KCNN2: variants seen among roughly 807,000 people sequenced by gnomAD.
The protein encoded by KCNN2 is small conductance calcium-activated potassium channel protein 2.
KCNN2 carries 24 observed loss-of-function variants against 55.5 expected under a neutral mutation model. That is an observed-to-expected ratio of 0.43 (90% CI 0.31 to 0.61). The LOEUF is 0.61. Ranked by LOEUF, KCNN2 falls within the 20% of genes least tolerant of loss-of-function variation. The pLI, the probability that KCNN2 is intolerant of heterozygous loss-of-function variation, is 0.08. For missense variants in KCNN2, 754 were observed against 853.6 expected, an observed-to-expected ratio of 0.88 and a Z score of 1.45; for synonymous variants, 431 against 336.1, an observed-to-expected ratio of 1.28 and a Z score of -3.09.
chr5:114,215,583 T>G (rs1753985317), intron 1 of KCNN2, among the ~76,000 whole-genome samples: 2 of 152,096 alleles, frequency 1.3e-5, no homozygotes, highest in African/African-American at 4.8e-5. Flanking sequence ...GACATAAAAT[T>G]ATGCTACAAA....
intron 1 of KCNN2, among the ~76,000 whole-genome samples, chr5:114,217,976 A>AT (rs1470188507): frequency 6.6e-6 from 1 of 152,234 alleles, no homozygotes; most frequent in Non-Finnish European, 1.5e-5. Context: ...CAGATGGCAA[A>AT]TTAGCATTTA....
At chr5:114,377,501 A>G (rs1020658618) in intron 2 of KCNN2, among the ~76,000 whole-genome samples, 6 of 152,292 alleles carry the variant, frequency 3.9e-5, no homozygotes, top group Non-Finnish European at 8.8e-5. Context: ...CTGCTGCTTG[A>G]ATGAAGGTGA....
chr5:114,347,480 A>C (rs1757128030), intron 2 of KCNN2, among the ~76,000 whole-genome samples: 2 of 152,200 alleles, frequency 1.3e-5, no homozygotes, highest in South Asian at 2.1e-4. Context: ...ATCTTGGGAT[A>C]ATCAAAATAC....
intron 2 of KCNN2, among the ~76,000 whole-genome samples, chr5:114,310,596 C>A (rs1291979561): frequency 6.6e-6 from 1 of 151,900 alleles, no homozygotes; most frequent in Non-Finnish European, 1.5e-5. Flanking sequence ...TTTCAAATGA[C>A]CATTTTTAAA....
intron 1 of KCNN2, among the ~76,000 whole-genome samples, chr5:114,134,308 T>C (rs754225875): frequency 6.0e-5 from 9 of 151,222 alleles, no homozygotes; most frequent in Non-Finnish European, 1.2e-4. Context: ...TTAATATTTA[T>C]TGGGAAACTT....
intron 2 of KCNN2, among the ~76,000 whole-genome samples, chr5:114,272,725 G>A (rs1417367217): frequency 1.6e-4 from 24 of 151,974 alleles, no homozygotes; most frequent in Admixed American, 1.6e-3. Flanking sequence ...AGCTGTTAAT[G>A]TTGGCTTTTT....
At chr5:114,294,019 C>A (rs1356342306) in intron 2 of KCNN2, among the ~76,000 whole-genome samples, 1 of 152,154 alleles carries the variant, frequency 6.6e-6, no homozygotes, top group Admixed American at 6.5e-5. Context: ...GTTTGTATTT[C>A]TGTGGGATCG....
At chr5:114,377,670 G>T (rs1757985318) in intron 2 of KCNN2, among the ~76,000 whole-genome samples, 1 of 152,112 alleles carries the variant, frequency 6.6e-6, no homozygotes, top group African/African-American at 2.4e-5. Flanking sequence ...TGTCAGTGAA[G>T]AACTTTGGCT....
chr5:114,361,585 T>C (rs568266231), upstream of KCNN2, among the ~76,000 whole-genome samples: 1 of 152,302 alleles, frequency 6.6e-6, no homozygotes, highest in South Asian at 2.1e-4. Flanking sequence ...GCTGCTGTTT[T>C]GCAGCCCTGC....
At chr5:114,358,425 A>G (rs1327084336), upstream of KCNN2, among the ~76,000 whole-genome samples, 1 of 152,156 alleles carries the variant, frequency 6.6e-6, no homozygotes, top group Non-Finnish European at 1.5e-5. Context: ...CAAACATGGG[A>G]AAGCAATTGT....
intron 2 of KCNN2, among the ~76,000 whole-genome samples, chr5:114,306,207 A>G (rs1293567135): frequency 2.6e-5 from 4 of 152,192 alleles, no homozygotes; most frequent in Non-Finnish European, 5.9e-5. Context: ...TTTGCCAGCT[A>G]TATAGCATTC....
intron 1 of KCNN2, among the ~76,000 whole-genome samples, chr5:114,141,163 G>T (rs965225665): frequency 6.6e-6 from 1 of 151,764 alleles, no homozygotes; most frequent in Non-Finnish European, 1.5e-5. Context: ...TAAGTTCTAG[G>T]GTACATGTGC....
At chr5:114,348,550 T>C (rs1263969784) in intron 2 of KCNN2, among the ~76,000 whole-genome samples, 1 of 152,194 alleles carries the variant, frequency 6.6e-6, no homozygotes, top group Non-Finnish European at 1.5e-5. Flanking sequence ...CAAAATATAC[T>C]TGATCTGGTA....
chr5:114,208,298 ATCCCTTGCCTGT>A (rs1753814202), intron 1 of KCNN2, among the ~76,000 whole-genome samples: 1 of 152,148 alleles, frequency 6.6e-6, no homozygotes, highest in Non-Finnish European at 1.5e-5. Context: ...CCAGACTGTC[ATCCCTTGCCTGT>A]TTCCCTCTAT....
chr5:114,392,898 C>G (rs1758494843), intron 2 of KCNN2, among the ~76,000 whole-genome samples: 1 of 145,368 alleles, frequency 6.9e-6, no homozygotes, highest in Non-Finnish European at 1.5e-5. Context: ...TTAATTAATA[C>G]ATTTCTGTGC....
intron 2 of KCNN2, among the ~76,000 whole-genome samples, chr5:114,232,154 C>T (rs561878873): frequency 8.0e-5 from 12 of 150,736 alleles, no homozygotes; most frequent in East Asian, 3.9e-4. Flanking sequence ...TTGATTGTTT[C>T]GAGTTGAAAT....
intron 2 of KCNN2, among the ~76,000 whole-genome samples, chr5:114,229,765 A>C (rs1222721559): frequency 6.6e-6 from 1 of 152,178 alleles, no homozygotes; most frequent in Non-Finnish European, 1.5e-5. Flanking sequence ...GGTACTAATA[A>C]GAAAAACAAG....
At chr5:114,242,239 C>T (rs1354532099) in intron 2 of KCNN2, among the ~76,000 whole-genome samples, 7 of 151,980 alleles carry the variant, frequency 4.6e-5, no homozygotes, top group African/African-American at 1.7e-4. Context: ...GAGTGCAGAA[C>T]AAAGGCAGTC....
At chr5:114,079,888 G>A (rs955183378) in intron 1 of KCNN2, among the ~76,000 whole-genome samples, 20 of 151,612 alleles carry the variant, frequency 1.3e-4, no homozygotes, top group African/African-American at 4.4e-4. Flanking sequence ...AGAGAAGGTG[G>A]GGATGGGGGA....
Sources: gnomAD v4.1 joint callset for allele counts (sites outside exome capture counted in the v4.1 genomes callset) on GRCh38, gnomAD v4.1.1 for gene constraint, MANE v1.5 for transcripts, NCBI Gene and HGNC (gene_info 2026-07-23, HGNC 2026-07-21) for gene names.